SFTPC: variants seen among roughly 807,000 people sequenced by gnomAD.
The protein encoded by SFTPC is surfactant protein C.
A neutral mutation model predicts 19.9 loss-of-function variants in SFTPC; 12 were observed. The ratio of observed to expected loss-of-function variants is 0.60; its 90% CI spans 0.39 to 0.98. The LOEUF (loss-of-function observed/expected upper bound fraction) is 0.98. SFTPC is among the 50% of genes least tolerant of loss of function. The pLI is 0.00. For synonymous variants in SFTPC, 123 were observed against 103.3 expected (o/e 1.19, Z -1.16); for missense variants, 219 against 252.2 (o/e 0.87, Z 0.89).
intron 5 of SFTPC, 42 bp from the exon 6 acceptor site, chr8:22,164,224 C>T: frequency 6.6e-7 from 1 of 1,514,406 alleles, no homozygotes; most frequent in Non-Finnish European, 8.8e-7. Context: ...TCCCACTCCC[C>T]TGATTCTCTC....
upstream of SFTPC, among the ~76,000 whole-genome samples, chr8:22,158,207 G>A (rs1827572152): frequency 6.6e-6 from 1 of 152,208 alleles, no homozygotes; most frequent in South Asian, 2.1e-4. Flanking sequence ...CCCAGACTCT[G>A]CCAGCAGGGG....
chr8:22,157,495 T>G (rs1256466251), upstream of SFTPC: 1 of 153,778 alleles, frequency 6.5e-6, no homozygotes, highest in African/African-American at 2.4e-5. Flanking sequence ...CAGGTGATAG[T>G]AATTCCCTTT....
upstream of SFTPC, chr8:22,161,763 G>A (rs367559125): frequency 3.3e-5 from 54 of 1,613,702 alleles, no homozygotes; most frequent in East Asian, 4.7e-4. Flanking sequence ...CTCTCCCTAC[G>A]GACACATATA....
At position 22,163,878 on chromosome 8, in the gene SFTPC, T is replaced by C. The variant is rs1827894105; in HGVS notation, c.436-23T>C. 3 of 1,603,602 alleles carry C rather than the reference T, an allele frequency of 1.9e-6. No homozygotes were observed. Among genetic ancestry groups the C allele is most frequent in the East Asian group, 2.2e-5 (1 of 44,840 alleles). On this transcript the variant is annotated intron_variant, in intron 4 of 5. Coordinates refer to ENST00000679463, the MANE Select transcript of SFTPC (RefSeq NM_001317778.2). ...TGGGATAGAAACTCACTTCCTACAT[T>C]CCAGATGGAATGCTCTCTGCAGGCC...
At chr8:22,158,181 T>G (rs1827571125), upstream of SFTPC, among the ~76,000 whole-genome samples, 1 of 152,246 alleles carries the variant, frequency 6.6e-6, no homozygotes, top group Non-Finnish European at 1.5e-5. Context: ...GGCTTTAAGA[T>G]GCTTCCCCAG....
At chr8:22,161,951 C>A (rs926707420) in intron 1 of SFTPC, 81 bp downstream of exon 1, 2 of 1,402,434 alleles carry the variant, frequency 1.4e-6, no homozygotes, top group Non-Finnish European at 2.0e-6. Flanking sequence ...TCCTCCCTGG[C>A]CTGTTTCCTT....
upstream of SFTPC, chr8:22,158,493 G>A (rs188980276): frequency 8.5e-5 from 13 of 152,454 alleles, no homozygotes; most frequent in East Asian, 1.5e-3. Flanking sequence ...AGAAGGGGTG[G>A]CCACCGTGGG....
At position 22,162,742 on chromosome 8, in the gene SFTPC, G is replaced by A. The variant is rs1185971116; in HGVS notation, c.201+10G>A. On this transcript the variant is annotated intron_variant, in intron 2 of 5. Transcript: ENST00000679463. ...GAAACACACGGAGATGGTGAGAGGTGTGGGATGCACAGCAGTGGGCACAGG... is the reference window on the plus strand; with the variant it reads ...GAAACACACGGAGATGGTGAGAGGTATGGGATGCACAGCAGTGGGCACAGG... The A allele has an allele frequency of 6.2e-7, 1 of 1,613,972 alleles. No homozygotes were observed. The highest frequency in any genetic ancestry group is 8.5e-7 in the Non-Finnish European group (1 of 1,180,006).
In SFTPC at chr8:22,163,908, C is replaced by T. The variant is rs752593536; in HGVS notation, c.443C>T (p.Pro148Leu). The stretch of plus-strand genomic sequence containing the variant: ...ATGGAATGCTCTCTGCAGGCCAAGC[C>T]CGCAGTGCCTACGTCTAAGCTGGGC... ...TRKVHNFQAK[P>L]AVPTSKLGQA... The change falls in exon 5 of 6, where the codon CCC becomes CTC. Residue 148 changes from proline to leucine, a missense_variant. By Grantham distance (98) the Pro-to-Leu change is moderately conservative. Coordinates refer to ENST00000679463, the MANE Select transcript of SFTPC (RefSeq NM_001317778.2). 3.1e-6 allele frequency: 5 copies of T among 1,613,900 alleles called. No homozygotes were observed. The highest frequency in any genetic ancestry group is 4.2e-6 in the Non-Finnish European group (5 of 1,179,934).
At position 22,163,572 on chromosome 8, in the gene SFTPC, G is replaced by A. The variant is rs766834199; in HGVS notation, c.435+26G>A. The A allele has an allele frequency of 6.6e-6, 10 of 1,508,200 alleles. No homozygotes were observed. In the South Asian group the frequency reaches 9.0e-5, roughly 14 times the overall value. 93.4% of individuals were successfully genotyped at this position (1,508,200 alleles called of 1,614,324 possible). A position where few individuals can be genotyped will look rare whatever the true frequency, so the allele number is the denominator to read the frequency against. Reference sequence around the variant, plus strand: ...GTGTGTGTGTGTGGGTGAAAAGAGTGGGCTGTCTCCCTCCCAGGGCTGCTG... The same window carrying A: ...GTGTGTGTGTGTGGGTGAAAAGAGTAGGCTGTCTCCCTCCCAGGGCTGCTG... On this transcript the variant is annotated intron_variant, in intron 4 of 5. Transcript: ENST00000679463.
intron 1 of SFTPC, 42 bp from the exon 2 acceptor site, chr8:22,162,532 C>T (rs772344538): frequency 2.5e-6 from 4 of 1,609,446 alleles, no homozygotes; most frequent in Non-Finnish European, 2.5e-6. Context: ...GGGACAGCCT[C>T]ATGACCTCAT....
chr8:22,158,123 T>G (rs1169307249), upstream of SFTPC, among the ~76,000 whole-genome samples: 4 of 152,234 alleles, frequency 2.6e-5, no homozygotes, highest in East Asian at 7.7e-4. Context: ...CTGCCTGGGC[T>G]TCTAGTCTTG....
chr8:22,162,847 C>A lies in SFTPC; in HGVS notation c.201+115C>A, dbSNP rs8192329. 1.6e-3 allele frequency: 2,251 copies of A among 1,441,172 alleles called. 29 individuals are homozygous for A. In the African/African-American group the frequency reaches 0.025, roughly 16 times the overall value. The allele number at this position is 1,441,172 out of a possible 1,614,324, so 89.3% of individuals were successfully genotyped here. A position where few individuals can be genotyped will look rare whatever the true frequency, so the allele number is the denominator to read the frequency against. ...AGTGGAGGGGAGGAGGCAAGGGGCA[C>A]AGCTAGAAGGAAAGAGGCACGAACC... On this transcript the variant is annotated intron_variant, in intron 2 of 5. Coordinates refer to ENST00000679463, the MANE Select transcript of SFTPC (RefSeq NM_001317778.2).
chr8:22,161,639 G>A (rs1230071169), upstream of SFTPC: 7 of 1,564,082 alleles, frequency 4.5e-6, no homozygotes, highest in East Asian at 2.3e-5. Context: ...GGGCCCTTGG[G>A]GGCTCTCACA....
At position 22,163,462 on chromosome 8, in the gene SFTPC, T is replaced by C. The variant is rs35457216; in HGVS notation, c.351T>C (p.Pro117=). ...TGCTGATCGCCTACAAGCCAGCCCC[T>C]GGCACCTGCTGCTACATCATGAAGA... The part of the protein sequence containing the change: ...QQLLIAYKPA[P]GTCCYIMKIA... The change falls in exon 4 of 6, where the codon CCT becomes CCC. Residue 117 remains proline (P), a synonymous_variant. Coordinates refer to ENST00000679463, the MANE Select transcript of SFTPC (RefSeq NM_001317778.2). 3.4e-5 allele frequency: 55 copies of C among 1,613,956 alleles called. No individual in the cohort carries two copies. The Admixed American group carries it at 7.7e-4, about 22-fold the overall frequency.
In SFTPC at chr8:22,161,846, A is replaced by G. The variant is rs1238864623; in HGVS notation, c.18A>G (p.Lys6=). Residue 6 remains lysine (K), a synonymous_variant, in exon 1 of 6, where the codon AAA becomes AAG. Coordinates refer to ENST00000679463, the MANE Select transcript of SFTPC (RefSeq NM_001317778.2). The stretch of plus-strand genomic sequence containing the variant: ...GCAGCAAGATGGATGTGGGCAGCAA[A>G]GAGGTCCTGATGGAGAGCCCGCCGG... MDVGS[K]EVLMESPPDY... The G allele has an allele frequency of 3.1e-6, 5 of 1,614,078 alleles. No homozygotes were observed. The highest frequency in any genetic ancestry group is 3.4e-6 in the Non-Finnish European group (4 of 1,180,012).
At chr8:22,162,753 A>G (rs2131815629) in intron 2 of SFTPC, 21 bp downstream of exon 2, 4 of 1,613,880 alleles carry the variant, frequency 2.5e-6, no homozygotes, top group Non-Finnish European at 3.4e-6. Context: ...TGGGATGCAC[A>G]GCAGTGGGCA....
chr8:22,163,409 G>A lies in SFTPC; in HGVS notation c.325-27G>A, dbSNP rs773787143. On this transcript the variant is annotated intron_variant, in intron 3 of 5. Transcript: ENST00000679463. ...GGGAGAGAGCAGGGCAGGGACCCCC[G>A]AATGATCTCCAGCATTCTGTGCCTA... 26 of 1,595,668 alleles carry A rather than the reference G, an allele frequency of 1.6e-5. No homozygotes were observed. In the East Asian group the frequency reaches 2.0e-4, roughly 12 times the overall value.
chr8:22,157,467 C>T (rs1827543128), upstream of SFTPC: 1 of 156,116 alleles, frequency 6.4e-6, no homozygotes, highest in South Asian at 1.8e-4. Flanking sequence ...CCTACTTAAT[C>T]CTCTCAATCG....
Sources: allele counts gnomAD v4.1 joint callset (sites outside exome capture counted in the v4.1 genomes callset), GRCh38; gene constraint gnomAD v4.1.1; transcripts MANE v1.5; gene names NCBI Gene and HGNC (gene_info 2026-07-23, HGNC 2026-07-21).